The following NDUFS1 variants were observed in gnomAD, a reference collection of about 807,000 sequenced individuals.
NDUFS1 encodes the protein NADH:ubiquinone oxidoreductase core subunit S1, also known as NADH-ubiquinone oxidoreductase 75 kDa subunit, mitochondrial.
A neutral mutation model predicts 84.4 loss-of-function variants in NDUFS1; 61 were observed. The observed-to-expected ratio is 0.72, with a 90% CI of 0.59 to 0.89. The LOEUF (loss-of-function observed/expected upper bound fraction) is 0.89, where lower values mean the gene tolerates loss of function less well. Ranked by LOEUF, NDUFS1 falls within the 40% of genes least tolerant of loss-of-function variation. The pLI, the probability that NDUFS1 is intolerant of heterozygous loss-of-function variation, is 0.00. For synonymous variants in NDUFS1, 275 were observed against 290.0 expected, an observed-to-expected ratio of 0.95 and a Z score of 0.53; for missense variants, 891 against 890.0, an observed-to-expected ratio of 1.00 and a Z score of -0.01.
chr2:206,130,378 A>AAAGT, intron 14 of NDUFS1, 136 bp from the exon 15 acceptor site: 3 of 1,155,602 alleles, frequency 2.6e-6, no homozygotes, highest in Non-Finnish European at 3.7e-6. Context: ...TCTCGGCGAT[A>AAAGT]GAGTCTCACT....
chr2:206,145,014 G>C lies in NDUFS1; in HGVS notation c.750C>G (p.Ser250=). 3 of 1,613,674 alleles carry C rather than the reference G, an allele frequency of 1.9e-6. No homozygotes were observed. Among genetic ancestry groups the C allele is most frequent in the Non-Finnish European group, 2.5e-6 (3 of 1,179,854 alleles). Residue 250 remains serine (S), a synonymous_variant, in exon 9 of 19, where the codon TCC becomes TCG. Coordinates refer to ENST00000233190, the MANE Select transcript of NDUFS1 (RefSeq NM_005006.7). Reference sequence around the variant, plus strand: ...TTCCAACCGCATCCATTACATCAATGGATTCTGTCTTTCTGAGAAACACAT... The same window carrying C: ...TTCCAACCGCATCCATTACATCAATCGATTCTGTCTTTCTGAGAAACACAT... ...ARPWETRKTE[S]IDVMDAVGSN...
At chr2:206,142,378 A>G (rs914736316) in intron 11 of NDUFS1, among the ~76,000 whole-genome samples, 4 of 151,958 alleles carry the variant, frequency 2.6e-5, no homozygotes, top group Non-Finnish European at 5.9e-5. Flanking sequence ...ACGTCTGGCT[A>G]ATTTTTTTGT....
intron 3 of NDUFS1, among the ~76,000 whole-genome samples, chr2:206,151,177 T>G (rs1575993826): frequency 6.6e-6 from 1 of 152,228 alleles, no homozygotes; most frequent in South Asian, 2.1e-4. Flanking sequence ...CCTGTTTAAA[T>G]AGGCAACAAA....
In NDUFS1 at chr2:206,123,608, A is replaced by G. The variant is rs980473768; in HGVS notation, c.*577T>C. 2 of 152,408 alleles carry G rather than the reference A, an allele frequency of 1.3e-5. No homozygotes were observed. Among genetic ancestry groups the G allele is most frequent in the Non-Finnish European group, 2.9e-5 (2 of 68,228 alleles). The allele number at this position is 152,408 out of a possible 1,614,324, so 9.4% of individuals were successfully genotyped here. ...CTTCAGTCTTCATCAGTAAAATGAG[A>G]TAATACTACTATCTCACAGGGTTGT... On this transcript the variant is annotated 3_prime_UTR_variant, in exon 19 of 19. Transcript: ENST00000233190.
chr2:206,149,459 T>C (rs1251073758), intron 4 of NDUFS1, among the ~76,000 whole-genome samples: 2 of 152,174 alleles, frequency 1.3e-5, no homozygotes, highest in East Asian at 1.9e-4. Context: ...AGTGAACTTC[T>C]TCCCTGCAAC....
In NDUFS1 at chr2:206,146,987, A is replaced by G. The variant is rs1194214650; in HGVS notation, c.653T>C (p.Leu218Pro). ...TYIEKMFMSE[L>P]SGNIIDICPV... Reference sequence around the variant, plus strand: ...GCAGATATCAATGATATTCCCAGACAGTTCAGACATGAACATCTTTTCAAT... The same window carrying G: ...GCAGATATCAATGATATTCCCAGACGGTTCAGACATGAACATCTTTTCAAT... Residue 218 changes from leucine to proline, a missense_variant, in exon 8 of 19, where the codon CTG (leucine) becomes CCG (proline). Physicochemically the swap from Leu to Pro is moderately conservative, Grantham distance 98. Transcript: ENST00000233190. 1.2e-6 allele frequency: 2 copies of G among 1,614,134 alleles called. No individual in the cohort carries two copies. The highest frequency in any genetic ancestry group is 1.7e-6 in the Non-Finnish European group (2 of 1,179,966).
intron 12 of NDUFS1, among the ~76,000 whole-genome samples, chr2:206,140,094 C>T (rs1691877729): frequency 6.6e-6 from 1 of 152,082 alleles, no homozygotes; most frequent in Admixed American, 6.6e-5. Flanking sequence ...CTATTACTCC[C>T]AGCACTTTCA....
chr2:206,128,402 G>A (rs1421311594), intron 15 of NDUFS1, among the ~76,000 whole-genome samples: 1 of 151,414 alleles, frequency 6.6e-6, no homozygotes, highest in Non-Finnish European at 1.5e-5. Context: ...TCCTGACCTT[G>A]TGATCCACCC....
intron 15 of NDUFS1, among the ~76,000 whole-genome samples, chr2:206,128,648 T>C (rs963215531): frequency 1.3e-5 from 2 of 151,510 alleles, no homozygotes; most frequent in African/African-American, 4.8e-5. Flanking sequence ...AATGTGGTGG[T>C]GTGTGCCTGT....
rs867886831 is a variant in NDUFS1 at position 206,116,689 on chromosome 2, G to A, written c.*7496C>T. Reference sequence around the variant, plus strand: ...GCGCCTGGGCCCAGGGGTTCAAGACGAGCCTGGGCAACATAGTGAGACCTG... The same window carrying A: ...GCGCCTGGGCCCAGGGGTTCAAGACAAGCCTGGGCAACATAGTGAGACCTG... On this transcript the variant is annotated 3_prime_UTR_variant, in exon 19 of 19. Coordinates refer to ENST00000233190, the MANE Select transcript of NDUFS1 (RefSeq NM_005006.7). The A allele has an allele frequency of 2.1e-5, 8 of 373,534 alleles. No individual in the cohort carries two copies. The highest frequency in any genetic ancestry group is 8.2e-5 in the South Asian group (3 of 36,464). The allele number at this position is 373,534 out of a possible 1,614,324, so 23.1% of individuals were successfully genotyped here.
At chr2:206,150,011 G>A (rs914876046) in intron 3 of NDUFS1, 86 bp from the exon 4 acceptor site, 3 of 790,534 alleles carry the variant, frequency 3.8e-6, no homozygotes, top group African/African-American at 5.0e-5. Flanking sequence ...CACACATACA[G>A]CATCTTATTA....
rs901914622 is a variant in NDUFS1 at position 206,142,145 on chromosome 2, T to C, written c.1134-76A>G. 12 of 1,332,514 alleles carry C rather than the reference T, an allele frequency of 9.0e-6. No homozygotes were observed. In the African/African-American group the frequency reaches 1.6e-4, roughly 18 times the overall value. The allele number at this position is 1,332,514 out of a possible 1,614,324, so 82.5% of individuals were successfully genotyped here. A position where few individuals can be genotyped will look rare whatever the true frequency, so the allele number is the denominator to read the frequency against. The stretch of plus-strand genomic sequence containing the variant: ...AGAGAATCCATGAAATATTCTCCTA[T>C]CATCAAACCCATTGCCTTCTCAAAC... On this transcript the variant is annotated intron_variant, in intron 11 of 18. Transcript: ENST00000233190.
intron 13 of NDUFS1, 34 bp from the exon 14 acceptor site, chr2:206,133,139 A>G (rs754832668): frequency 2.8e-5 from 43 of 1,536,678 alleles, no homozygotes; most frequent in Non-Finnish European, 3.7e-5. Context: ...TGATTTTAAA[A>G]TATTACAAGT....
chr2:206,133,124 A>G lies in NDUFS1; in HGVS notation c.1393-19T>C. On this transcript the variant is annotated intron_variant, in intron 13 of 18. Coordinates refer to ENST00000233190, the MANE Select transcript of NDUFS1 (RefSeq NM_005006.7). ...TTAGGACCTATTTAAAAAAAAAAACAACTTTGATTTTAAAATATTACAAGT... is the reference window on the plus strand; with the variant it reads ...TTAGGACCTATTTAAAAAAAAAAACGACTTTGATTTTAAAATATTACAAGT... 1 of 1,566,708 alleles carries G rather than the reference A, an allele frequency of 6.4e-7. No individual in the cohort carries two copies. The highest frequency in any genetic ancestry group is 1.2e-5 in the South Asian group (1 of 86,076).
Position 206,124,330 on chromosome 2 carries a change from A to G in NDUFS1, c.2093-54T>C, listed in dbSNP as rs76839943. On this transcript the variant is annotated intron_variant, in intron 18 of 18. Transcript: ENST00000233190. ...GATAATACAACTTTTTAAAAAGCAC[A>G]TACTAAAACTTTAATGGTGCACATA... The G allele has an allele frequency of 1.7e-3, 2,354 of 1,351,360 alleles. 24 individuals are homozygous for G. The African/African-American group carries it at 0.029, about 17-fold the overall frequency. The allele number at this position is 1,351,360 out of a possible 1,614,324, so 83.7% of individuals were successfully genotyped here. A position where few individuals can be genotyped will look rare whatever the true frequency, so the allele number is the denominator to read the frequency against.
intron 10 of NDUFS1, 88 bp downstream of exon 10, chr2:206,143,927 AAAG>A: frequency 9.5e-7 from 1 of 1,052,510 alleles, no homozygotes. Context: ...TAAAAGTAAA[AAAG>A]GGAAGAAATA....
At chr2:206,133,806 C>T (rs1212847421) in intron 13 of NDUFS1, among the ~76,000 whole-genome samples, 1 of 152,066 alleles carries the variant, frequency 6.6e-6, no homozygotes, top group Non-Finnish European at 1.5e-5. Flanking sequence ...GGCGAAACCC[C>T]GTCTCTACTA....
rs887305815 is a variant in NDUFS1 at position 206,130,318 on chromosome 2, ATTTCC to A, written c.1554-81_1554-77del. The A allele has an allele frequency of 6.9e-5, 106 of 1,540,478 alleles. No homozygotes were observed. The African/African-American group carries it at 9.9e-4, about 14-fold the overall frequency. On this transcript the variant is annotated intron_variant, in intron 14 of 18. Coordinates refer to ENST00000233190, the MANE Select transcript of NDUFS1 (RefSeq NM_005006.7). ...AAAATTAAATGTGATTTTTGGAATA[ATTTCC>A]TTTCAACAATGTCAAAAAACCCATT...
intron 4 of NDUFS1, 114 bp downstream of exon 4, chr2:206,149,704 G>C: frequency 2.6e-6 from 2 of 760,664 alleles, no homozygotes; most frequent in Admixed American, 4.4e-5. Context: ...TTTATAGATA[G>C]AAGTAAAGAG....
Sources: gnomAD v4.1 joint callset for allele counts (sites outside exome capture counted in the v4.1 genomes callset) on GRCh38, gnomAD v4.1.1 for gene constraint, MANE v1.5 for transcripts, NCBI Gene and HGNC (gene_info 2026-07-23, HGNC 2026-07-21) for gene names.